FECH: variants seen among roughly 807,000 people sequenced by gnomAD.
FECH encodes ferrochelatase.
FECH carries 40 observed loss-of-function variants against 56.9 expected under a neutral mutation model. That is an observed-to-expected ratio of 0.70 (90% CI 0.55 to 0.92). The LOEUF (loss-of-function observed/expected upper bound fraction) is 0.92. FECH is among the 40% of genes least tolerant of loss of function. FECH has a pLI of 0.00. For synonymous variants in FECH, 175 were observed against 198.6 expected (o/e 0.88, Z 1.00); for missense variants, 431 against 529.1 (o/e 0.81, Z 1.82).
At chr18:57,585,132 T>C (rs936828547) in intron 1 of FECH, among the ~76,000 whole-genome samples, 1 of 152,170 alleles carries the variant, frequency 6.6e-6, no homozygotes, top group African/African-American at 2.4e-5. Flanking sequence ...GGAAGCTTCT[T>C]ATTAATTCTG....
chr18:57,572,588 TGG>T lies in FECH; in HGVS notation c.314+656_314+657del, dbSNP rs34172858. Among the ~76,000 whole-genome samples the T allele has an allele frequency of 1.5e-3, 94 of 63,104 alleles. 2 individuals are homozygous for T. Among genetic ancestry groups the T allele is most frequent in the South Asian group, 7.9e-3 (10 of 1,266 alleles). 41.4% of individuals were successfully genotyped at this position (63,104 alleles called of 152,430 possible). On this transcript the variant is annotated intron_variant, in intron 3 of 10. Coordinates refer to ENST00000262093, the MANE Select transcript of FECH (RefSeq NM_000140.5). ...GTACCTTCACATTTGTGTAACGAAGTGGGGGGGGGGGTGTGCATGTGTGTATG... is the reference window on the plus strand; with the variant it reads ...GTACCTTCACATTTGTGTAACGAAGTGGGGGGGGGTGTGCATGTGTGTATG...
Position 57,545,087 on chromosome 18 carries a change from G to A in FECH, c.*5625C>T, listed in dbSNP as rs980289313. On this transcript the variant is annotated 3_prime_UTR_variant, in exon 11 of 11. Coordinates refer to ENST00000262093, the MANE Select transcript of FECH (RefSeq NM_000140.5). ...CAGGAAAGTAAAGCTTTGACCCGCA[G>A]GGGAGACTGGAGAGGGGAAGTTGGC... Among the ~76,000 whole-genome samples the A allele has an allele frequency of 2.6e-5, 4 of 152,116 alleles. No homozygotes were observed. The highest frequency in any genetic ancestry group is 9.7e-5 in the African/African-American group (4 of 41,410).
chr18:57,565,004 A>T (rs1598994446), intron 5 of FECH, among the ~76,000 whole-genome samples: 1 of 152,234 alleles, frequency 6.6e-6, no homozygotes, highest in African/African-American at 2.4e-5. Context: ...AGCCTTCCAC[A>T]ACTTGGATAG....
chr18:57,573,600 A>C (rs951178013), intron 2 of FECH, among the ~76,000 whole-genome samples: 1 of 152,118 alleles, frequency 6.6e-6, no homozygotes, highest in African/African-American at 2.4e-5. Flanking sequence ...ATCAGTCTTC[A>C]CTCCGCTAGA....
rs1208162320 is a variant in FECH at position 57,544,459 on chromosome 18, C to A, written c.*6253G>T. ...AATTTACAAATAATAATAAAATACA[C>A]AATACACTTTCCTACAAATTCCATA... On this transcript the variant is annotated 3_prime_UTR_variant, in exon 11 of 11. Coordinates refer to ENST00000262093, the MANE Select transcript of FECH (RefSeq NM_000140.5). 6.6e-6 allele frequency among the ~76,000 whole-genome samples: 1 copy of A among 152,186 alleles called. No homozygotes were observed. The highest frequency in any genetic ancestry group is 1.5e-5 in the Non-Finnish European group (1 of 68,020).
At chr18:57,568,972 A>G (rs1384656373) in intron 4 of FECH, among the ~76,000 whole-genome samples, 1 of 152,148 alleles carries the variant, frequency 6.6e-6, no homozygotes, top group Non-Finnish European at 1.5e-5. Context: ...TTCTGTTACC[A>G]TCCCCATTTT....
At chr18:57,562,777 A>G (rs2050961433) in intron 6 of FECH, 97 bp downstream of exon 6, 2 of 863,912 alleles carry the variant, frequency 2.3e-6, no homozygotes, top group Non-Finnish European at 2.0e-6. Context: ...GCAAGGGAAC[A>G]GTAAGGCTCA....
In FECH at chr18:57,549,545, T is replaced by C. The variant is rs1441004769; in HGVS notation, c.*1167A>G. ...CCGGGGATCTTTTAATCCATTTAAA[T>C]ACAAACATAGAAGATCAGACTCTGA... On this transcript the variant is annotated 3_prime_UTR_variant, in exon 11 of 11. Coordinates refer to ENST00000262093, the MANE Select transcript of FECH (RefSeq NM_000140.5). 3 of 146,866 alleles carry C rather than the reference T, an allele frequency of 2.0e-5. No individual in the cohort carries two copies. In the East Asian group the frequency reaches 7.0e-4, roughly 34 times the overall value. The allele number at this position is 146,866 out of a possible 1,614,324, so 9.1% of individuals were successfully genotyped here.
chr18:57,554,713 T>C, intron 8 of FECH, 132 bp downstream of exon 8: 3 of 790,774 alleles, frequency 3.8e-6, no homozygotes. Flanking sequence ...CAGAGTTCTT[T>C]CTGCCCATGG....
intron 2 of FECH, among the ~76,000 whole-genome samples, chr18:57,574,509 A>G (rs1042729196): frequency 6.6e-6 from 1 of 152,248 alleles, no homozygotes; most frequent in Non-Finnish European, 1.5e-5. Flanking sequence ...GCAGAGCTCC[A>G]TAACAAGTTT....
intron 4 of FECH, among the ~76,000 whole-genome samples, chr18:57,570,032 CGTGTGTGT>C (rs10608112): frequency 0.015 from 1,865 of 122,812 alleles, 46 homozygotes; most frequent in African/African-American, 0.048. Context: ...TTGTTGTTGT[CGTGTGTGT>C]GTGTGTGTGT....
At chr18:57,567,446 C>T (rs1337224786) in intron 4 of FECH, among the ~76,000 whole-genome samples, 1 of 152,208 alleles carries the variant, frequency 6.6e-6, no homozygotes, top group Admixed American at 6.5e-5. Context: ...ATCCACACCA[C>T]ATAATTGTTT....
chr18:57,574,340 A>C lies in FECH; in HGVS notation c.195-975T>G, dbSNP rs1031373184. Among the ~76,000 whole-genome samples, 3 of 152,030 alleles carry C rather than the reference A, an allele frequency of 2.0e-5. No homozygotes were observed. In the South Asian group the frequency reaches 6.2e-4, roughly 31 times the overall value. ...GCTTCCTTCTCCAAGACCTCCCTCT[A>C]TTCCTTCATCCATGGCTCCTGTTAT... On this transcript the variant is annotated intron_variant, in intron 2 of 10. Transcript: ENST00000262093.
intron 2 of FECH, among the ~76,000 whole-genome samples, chr18:57,577,246 C>CTGTAT (rs2051197135): frequency 6.6e-6 from 1 of 152,214 alleles, no homozygotes; most frequent in Non-Finnish European, 1.5e-5. Context: ...TACACACATA[C>CTGTAT]ACCCCTACTG....
chr18:57,569,890 A>G (rs2051071768), intron 4 of FECH, among the ~76,000 whole-genome samples: 1 of 151,722 alleles, frequency 6.6e-6, no homozygotes, highest in African/African-American at 2.4e-5. Context: ...CTGGAATGCA[A>G]TGGCATGATC....
chr18:57,552,699 C>A (rs2050815422), intron 9 of FECH, among the ~76,000 whole-genome samples: 1 of 152,210 alleles, frequency 6.6e-6, no homozygotes, highest in Admixed American at 6.5e-5. Context: ...CACACCTGGC[C>A]TCAGCTACTT....
Position 57,580,212 on chromosome 18 carries a change from T to C in FECH, c.68-13A>G, listed in dbSNP as rs1349283896. On this transcript the variant is annotated splice_polypyrimidine_tract_variant and intron_variant, in intron 1 of 10. Coordinates refer to ENST00000262093, the MANE Select transcript of FECH (RefSeq NM_000140.5). ...CTGCTGGATGCCACTGTGACAAAAT[T>C]AAAGTGCTCGCATGAAATCTAGCTA... 2 of 1,614,096 alleles carry C rather than the reference T, an allele frequency of 1.2e-6. No individual in the cohort carries two copies. The highest frequency in any genetic ancestry group is 1.7e-5 in the Admixed American group (1 of 60,016).
Position 57,550,582 on chromosome 18 carries a change from G to A in FECH, c.*130C>T, listed in dbSNP as rs771195505. On this transcript the variant is annotated 3_prime_UTR_variant, in exon 11 of 11. Coordinates refer to ENST00000262093, the MANE Select transcript of FECH (RefSeq NM_000140.5). ...CAATCCTCAAGAAACCACACAATTT[G>A]TACCCAAAGGCTGTATATATATCAA... is the stretch of plus-strand genomic sequence containing the variant. 9 of 1,144,830 alleles carry A rather than the reference G, an allele frequency of 7.9e-6. No individual in the cohort carries two copies. The highest frequency in any genetic ancestry group is 1.1e-5 in the Non-Finnish European group (9 of 795,372). 70.9% of individuals were successfully genotyped at this position (1,144,830 alleles called of 1,614,324 possible). A position where few individuals can be genotyped will look rare whatever the true frequency, so the allele number is the denominator to read the frequency against.
In FECH at chr18:57,546,586, A is replaced by G. The variant is rs1330476169; in HGVS notation, c.*4126T>C. ...TCTTGAATTAAATATGGAATTTACT[A>G]GAAAGATTAGCCCACCTCTTGCATC... is the stretch of plus-strand genomic sequence containing the variant. On this transcript the variant is annotated 3_prime_UTR_variant, in exon 11 of 11. Transcript: ENST00000262093. Among the ~76,000 whole-genome samples the G allele has an allele frequency of 6.6e-6, 1 of 152,234 alleles. No individual in the cohort carries two copies. Among genetic ancestry groups the G allele is most frequent in the Non-Finnish European group, 1.5e-5 (1 of 68,042 alleles).
Sources: allele counts gnomAD v4.1 joint callset (sites outside exome capture counted in the v4.1 genomes callset), GRCh38; gene constraint gnomAD v4.1.1; transcripts MANE v1.5; gene names NCBI Gene and HGNC (gene_info 2026-07-23, HGNC 2026-07-21).